The following SLC5A9 variants were observed in gnomAD, a reference collection of about 807,000 sequenced individuals.
The protein encoded by SLC5A9 is sodium/glucose cotransporter 4.
SLC5A9 carries 59 observed loss-of-function variants against 70.9 expected under a neutral mutation model. The observed-to-expected ratio is 0.83, with a 90% CI of 0.68 to 1.03. The LOEUF is 1.03. SLC5A9 is among the 50% of genes least tolerant of loss of function. SLC5A9 has a pLI of 0.00. For synonymous variants in SLC5A9, 340 were observed against 346.5 expected (o/e 0.98, Z 0.21); for missense variants, 832 against 881.1 (o/e 0.94, Z 0.71).
At chr1:48,242,246 G>T in intron 12 of SLC5A9, 1 of 579,398 alleles carries the variant, frequency 1.7e-6, no homozygotes, top group South Asian at 2.0e-5. Context: ...GCACAAGCCT[G>T]GGGTAGAGCA....
intron 12 of SLC5A9, chr1:48,242,027 C>G: frequency 2.2e-6 from 1 of 457,122 alleles, no homozygotes; most frequent in Non-Finnish European, 4.4e-6. Context: ...TTTGAAGATC[C>G]TGGCACTTAC....
rs1049566552 is a variant in SLC5A9, at chr1:48,238,972, T to A, written c.1462-350T>A. On this transcript the variant is annotated intron_variant, in intron 11 of 13. Coordinates refer to ENST00000438567, the MANE Select transcript of SLC5A9 (RefSeq NM_001011547.3). ...AAGTTTATTCCATTTTAGTTGAATA[T>A]TAACCATCTGTTAATTAACTTAGTA... 4.6e-5 allele frequency among the ~76,000 whole-genome samples: 7 copies of A among 152,256 alleles called. No individual in the cohort carries two copies. The South Asian group carries it at 1.4e-3, about 31-fold the overall frequency.
chr1:48,232,539 G>C, intron 8 of SLC5A9, 37 bp downstream of exon 8: 1 of 1,611,252 alleles, frequency 6.2e-7, no homozygotes, highest in Non-Finnish European at 8.5e-7. Context: ...ATTGGGATCT[G>C]AGGCTTTCAA....
At chr1:48,228,518 G>A (rs1394968428) in intron 2 of SLC5A9, 2 of 241,312 alleles carry the variant, frequency 8.3e-6, no homozygotes, top group East Asian at 2.0e-4. Flanking sequence ...TCCTTTGGAG[G>A]CCCTCAGACC....
At chr1:48,228,477 T>A in intron 2 of SLC5A9, 1 of 195,868 alleles carries the variant, frequency 5.1e-6, no homozygotes, top group Non-Finnish European at 1.1e-5. Flanking sequence ...CCTTCCCTCC[T>A]GTGGGGCTTC....
chr1:48,244,835 A>AATTATATTTAT (rs1399291191), intron 13 of SLC5A9, among the ~76,000 whole-genome samples: 29 of 18,092 alleles, frequency 1.6e-3, no homozygotes, highest in South Asian at 3.6e-3. Flanking sequence ...TATATATATA[A>AATTATATTTAT]ATTATATATA....
Position 48,229,633 on chromosome 1 carries a change from G to A in SLC5A9, c.504+174G>A, listed in dbSNP as rs570567967. 1.7e-4 allele frequency: 167 copies of A among 969,040 alleles called. 3 individuals are homozygous for A. In the South Asian group the frequency reaches 2.9e-3, roughly 17 times the overall value. The allele number at this position is 969,040 out of a possible 1,614,324, so 60.0% of individuals were successfully genotyped here. On this transcript the variant is annotated intron_variant, in intron 4 of 13. Coordinates refer to ENST00000438567, the MANE Select transcript of SLC5A9 (RefSeq NM_001011547.3). ...CTGCCTCAGCACTGGGGTACTCAGA[G>A]ATGAATGATAAATGTTTTTGGAGTG...
chr1:48,224,384 G>A (rs756498651), intron 1 of SLC5A9, among the ~76,000 whole-genome samples: 27 of 152,360 alleles, frequency 1.8e-4, no homozygotes, highest in Middle Eastern at 3.4e-3. Flanking sequence ...ATCTAAGGAG[G>A]TGATAACAAA....
chr1:48,244,736 A>ATATATATAAATTATATTTATGT lies in SLC5A9; in HGVS notation c.1837+2140_1837+2141insGTTATATATAAATTATATTTAT. Among the ~76,000 whole-genome samples, 2 of 22,014 alleles carry ATATATATAAATTATATTTATGT rather than the reference A, an allele frequency of 9.1e-5. 1 individual carries two copies. Among genetic ancestry groups the ATATATATAAATTATATTTATGT allele is most frequent in the East Asian group, 4.4e-3 (2 of 450 alleles). 14.4% of individuals were successfully genotyped at this position (22,014 alleles called of 152,430 possible). A position where few individuals can be genotyped will look rare whatever the true frequency, so the allele number is the denominator to read the frequency against. ...AATATATATATATATAAAATATATA[A>ATATATATAAATTATATTTATGT]TATATATAAATTATATTTATATTAT... is the stretch of plus-strand genomic sequence containing the variant. On this transcript the variant is annotated intron_variant, in intron 13 of 13. Transcript: ENST00000438567.
intron 10 of SLC5A9, among the ~76,000 whole-genome samples, chr1:48,236,158 G>A (rs919056403): frequency 1.3e-5 from 2 of 152,154 alleles, no homozygotes; most frequent in African/African-American, 4.8e-5. Context: ...AGAAATGAAA[G>A]GTAAACTGTG....
chr1:48,242,471 A>T lies in SLC5A9; in HGVS notation c.1692A>T (p.Thr564=). The T allele has an allele frequency of 6.2e-7, 1 of 1,608,156 alleles. No individual in the cohort carries two copies. ...PIPEEQLTRL[T]WWTRNCPLSE... ...TTTCCCTCCAGCTCACACGCCTCACATGGTGGACTCGGAACTGCCCCCTCT... is the reference window on the plus strand; with the variant it reads ...TTTCCCTCCAGCTCACACGCCTCACTTGGTGGACTCGGAACTGCCCCCTCT... Residue 564 remains threonine (T), a synonymous_variant, in exon 13 of 14, where the codon ACA becomes ACT. Coordinates refer to ENST00000438567, the MANE Select transcript of SLC5A9 (RefSeq NM_001011547.3).
At chr1:48,242,670 C>T (rs2148587869) in intron 13 of SLC5A9, 54 bp downstream of exon 13, 2 of 1,500,104 alleles carry the variant, frequency 1.3e-6, no homozygotes, top group East Asian at 2.4e-5. Context: ...GGGGGACAGA[C>T]CTATGTCATG....
chr1:48,229,857 G>A (rs115107167), intron 4 of SLC5A9, among the ~76,000 whole-genome samples: 5,158 of 152,234 alleles, frequency 0.034, 295 homozygotes, highest in African/African-American at 0.12. Context: ...CCCACACAGA[G>A]GGCTAGCTCT....
intron 2 of SLC5A9, among the ~76,000 whole-genome samples, chr1:48,226,167 CAGGAAAA>C (rs756348981): frequency 7.9e-5 from 12 of 152,224 alleles, no homozygotes; most frequent in Admixed American, 1.3e-4. Flanking sequence ...ACCTTCTCAT[CAGGAAAA>C]AGGAAAAACC....
intron 13 of SLC5A9, among the ~76,000 whole-genome samples, chr1:48,244,711 A>AATATATATATATATAT: frequency 1.5e-5 from 2 of 136,150 alleles, no homozygotes; most frequent in South Asian, 2.3e-4. Flanking sequence ...TTGCTTTGCA[A>AATATATATATATATAT]ATATATATAT....
intron 4 of SLC5A9, 94 bp from the exon 5 acceptor site, chr1:48,230,506 G>A: frequency 1.3e-6 from 1 of 791,114 alleles, no homozygotes; most frequent in Non-Finnish European, 2.2e-6. Context: ...AGGGCTGAGG[G>A]TGCCTGGTGT....
intron 10 of SLC5A9, among the ~76,000 whole-genome samples, chr1:48,237,242 C>G (rs945275349): frequency 6.6e-6 from 1 of 151,096 alleles, no homozygotes; most frequent in African/African-American, 2.4e-5. Flanking sequence ...AGGATCAGCG[C>G]GTGGAGGAAG....
intron 12 of SLC5A9, chr1:48,241,310 A>G (rs1335490285): frequency 6.5e-6 from 1 of 152,716 alleles, no homozygotes; most frequent in Non-Finnish European, 1.5e-5. Flanking sequence ...CACAGTCCAT[A>G]TGCTATTTGT....
intron 8 of SLC5A9, among the ~76,000 whole-genome samples, chr1:48,232,879 AAAAG>A (rs1258645527): frequency 7.3e-6 from 1 of 137,568 alleles, no homozygotes; most frequent in Non-Finnish European, 1.5e-5. Context: ...AGAAGAAAGA[AAAAG>A]AAAAAGAAAG....
Sources: gnomAD v4.1 joint callset for allele counts (sites outside exome capture counted in the v4.1 genomes callset) on GRCh38, gnomAD v4.1.1 for gene constraint, MANE v1.5 for transcripts, NCBI Gene and HGNC (gene_info 2026-07-23, HGNC 2026-07-21) for gene names.